The following ODR4 variants were observed in gnomAD, a reference collection of about 807,000 sequenced individuals.
ODR4 encodes the protein protein odr-4 homolog.
In ODR4, 47 loss-of-function variants were observed where a neutral mutation model predicts 60.2. That is an observed-to-expected ratio of 0.78 (90% CI 0.62 to 1.00). The LOEUF (loss-of-function observed/expected upper bound fraction) is 1.00. Among genes scored for constraint, ODR4 ranks in the 50% least tolerant of loss-of-function variants. The pLI is 0.00. For synonymous variants in ODR4, 178 were observed against 175.5 expected (o/e 1.01, Z -0.11); for missense variants, 488 against 530.8 (o/e 0.92, Z 0.79).
At chr1:186,378,102 A>G (rs1276396479) in intron 1 of ODR4, among the ~76,000 whole-genome samples, 3 of 152,150 alleles carry the variant, frequency 2.0e-5, no homozygotes, top group Middle Eastern at 3.2e-3. Context: ...GACAAAACTG[A>G]ACAAGCTCAT....
chr1:186,427,707 T>A, the ODR4 span, among the ~76,000 whole-genome samples: 1 of 152,222 alleles, frequency 6.6e-6, no homozygotes, highest in Non-Finnish European at 1.5e-5. Flanking sequence ...TCCAGATCCA[T>A]CAGAGGAATC....
At chr1:186,390,102 A>G (rs929294300) in intron 6 of ODR4, among the ~76,000 whole-genome samples, 1 of 152,164 alleles carries the variant, frequency 6.6e-6, no homozygotes, top group Non-Finnish European at 1.5e-5. Flanking sequence ...CACCACGGCC[A>G]GCCAACTTTT....
At chr1:186,425,490 A>G (rs775139046), downstream of ODR4, among the ~76,000 whole-genome samples, 87 of 152,096 alleles carry the variant, frequency 5.7e-4, no homozygotes, top group South Asian at 1.2e-3. Flanking sequence ...TCTTCCCTGT[A>G]AGATCTTGAC....
At chr1:186,385,428 A>T (rs1235694313) in intron 3 of ODR4, among the ~76,000 whole-genome samples, 1 of 151,368 alleles carries the variant, frequency 6.6e-6, no homozygotes, top group Admixed American at 6.6e-5. Context: ...TCCATGGGAA[A>T]ACTACACCAA....
chr1:186,400,641 A>G (rs1440233010), intron 11 of ODR4: 1 of 182,276 alleles, frequency 5.5e-6, no homozygotes, highest in Non-Finnish European at 1.1e-5. Context: ...GCTCCTCTAT[A>G]TAACCAACTT....
chr1:186,407,520 A>G (rs927161620), intron 12 of ODR4, among the ~76,000 whole-genome samples: 1 of 152,116 alleles, frequency 6.6e-6, no homozygotes, highest in African/African-American at 2.4e-5. Flanking sequence ...TGGTAGGATC[A>G]TTCAAATTGA....
chr1:186,376,764 T>C (rs1386518125), intron 1 of ODR4, among the ~76,000 whole-genome samples: 1 of 152,234 alleles, frequency 6.6e-6, no homozygotes, highest in East Asian at 1.9e-4. Flanking sequence ...CACAGTATTA[T>C]CATACTGTTG....
chr1:186,380,540 TA>T (rs1659983263), intron 2 of ODR4, among the ~76,000 whole-genome samples: 1 of 147,100 alleles, frequency 6.8e-6, no homozygotes, highest in African/African-American at 2.5e-5. Context: ...AAGAACGTGT[TA>T]ATCGGCAGGA....
chr1:186,414,225 T>G (rs181624388), intron 12 of ODR4, among the ~76,000 whole-genome samples: 1 of 152,158 alleles, frequency 6.6e-6, no homozygotes, highest in Non-Finnish European at 1.5e-5. Flanking sequence ...GTATCAAACC[T>G]CATGATTTTG....
At chr1:186,403,892 T>A (rs903584934) in intron 11 of ODR4, among the ~76,000 whole-genome samples, 2 of 152,184 alleles carry the variant, frequency 1.3e-5, no homozygotes, top group Non-Finnish European at 2.9e-5. Context: ...ACCACTCCAC[T>A]GTCTTCCCAG....
intron 3 of ODR4, among the ~76,000 whole-genome samples, chr1:186,383,870 T>A (rs1209441398): frequency 6.6e-6 from 1 of 151,974 alleles, no homozygotes; most frequent in Non-Finnish European, 1.5e-5. Context: ...AAACCCCGTC[T>A]CTAGTAAAAA....
At chr1:186,426,729 G>T in the ODR4 span, among the ~76,000 whole-genome samples, 1 of 152,142 alleles carries the variant, frequency 6.6e-6, no homozygotes, top group African/African-American at 2.4e-5. Context: ...CATTACTGGA[G>T]ATTTGTAACT....
At chr1:186,382,684 A>G (rs1483966670) in intron 2 of ODR4, among the ~76,000 whole-genome samples, 10 of 152,240 alleles carry the variant, frequency 6.6e-5, no homozygotes, top group Admixed American at 6.5e-4. Context: ...AGAAAACTGA[A>G]TAAGCATATT....
intron 4 of ODR4, among the ~76,000 whole-genome samples, chr1:186,387,805 A>G (rs1452733019): frequency 6.6e-6 from 1 of 152,192 alleles, no homozygotes; most frequent in Non-Finnish European, 1.5e-5. Flanking sequence ...ACCGAAATGT[A>G]TTACCACCCC....
At chr1:186,432,352 C>G in the ODR4 span, among the ~76,000 whole-genome samples, 1 of 152,294 alleles carries the variant, frequency 6.6e-6, no homozygotes, top group Non-Finnish European at 1.5e-5. Context: ...CCTTCTCATA[C>G]TGCCCTTGTC....
intron 13 of ODR4, among the ~76,000 whole-genome samples, chr1:186,418,130 T>A (rs1298365651): frequency 6.6e-6 from 1 of 152,172 alleles, no homozygotes; most frequent in Non-Finnish European, 1.5e-5. Flanking sequence ...GGAGTAACAA[T>A]TTGAGAAATA....
Position 186,411,581 on chromosome 1 carries a change from A to G in ODR4, c.1186+5313A>G, listed in dbSNP as rs142516995. Among the ~76,000 whole-genome samples the G allele has an allele frequency of 2.5e-3, 385 of 152,012 alleles. 1 individual carries two copies. The highest frequency in any genetic ancestry group is 8.7e-3 in the African/African-American group (361 of 41,524). The stretch of plus-strand genomic sequence containing the variant: ...ATCCTCTTTCTTGGGTTCCCTCAGT[A>G]AGCTTTATCATTAGCATTATTTGTA... On this transcript the variant is annotated intron_variant, in intron 12 of 13. Coordinates refer to ENST00000287859, the MANE Select transcript of ODR4 (RefSeq NM_017847.6).
intron 5 of ODR4, 34 bp from the exon 6 acceptor site, chr1:186,389,554 C>CT (rs1210672360): frequency 6.7e-7 from 1 of 1,482,302 alleles, no homozygotes; most frequent in Admixed American, 2.1e-5. Flanking sequence ...CCAATAATGC[C>CT]TTTTTTGGTT....
intron 1 of ODR4, among the ~76,000 whole-genome samples, chr1:186,378,778 A>T (rs1011436448): frequency 3.3e-5 from 5 of 152,240 alleles, no homozygotes; most frequent in African/African-American, 1.2e-4. Flanking sequence ...GGATTATAAT[A>T]ATGGTACCCA....
Sources: allele counts gnomAD v4.1 joint callset (sites outside exome capture counted in the v4.1 genomes callset), GRCh38; gene constraint gnomAD v4.1.1; transcripts MANE v1.5; gene names NCBI Gene and HGNC (gene_info 2026-07-23, HGNC 2026-07-21).